The following HK2 variants were observed in gnomAD, a reference collection of about 807,000 sequenced individuals.
HK2 encodes hexokinase 2.
A neutral mutation model predicts 92.9 loss-of-function variants in HK2; 42 were observed. That is an observed-to-expected ratio of 0.45 (90% CI 0.35 to 0.58). The LOEUF (loss-of-function observed/expected upper bound fraction) is 0.58, where lower values mean the gene tolerates loss of function less well. Ranked by LOEUF, HK2 falls within the 20% of genes least tolerant of loss-of-function variation. HK2 has a pLI of 0.00. For missense variants in HK2, 978 were observed against 1,245.1 expected, an observed-to-expected ratio of 0.79 and a Z score of 3.23; for synonymous variants, 422 against 468.0, an observed-to-expected ratio of 0.90 and a Z score of 1.27.
intron 3 of HK2, among the ~76,000 whole-genome samples, chr2:74,869,136 T>C (rs1689034063): frequency 6.6e-6 from 1 of 151,188 alleles, no homozygotes. Context: ...AAAAAACAAC[T>C]ATGAGACCCA....
At chr2:74,862,450 A>T (rs570511611) in intron 2 of HK2, among the ~76,000 whole-genome samples, 1 of 152,340 alleles carries the variant, frequency 6.6e-6, no homozygotes, top group South Asian at 2.1e-4. Context: ...TTAAAGAGTG[A>T]AAGTTGTGCT....
intron 2 of HK2, among the ~76,000 whole-genome samples, chr2:74,855,806 CTGG>C (rs762001783): frequency 2.0e-5 from 3 of 152,092 alleles, no homozygotes; most frequent in Non-Finnish European, 4.4e-5. Context: ...AGACATGGCT[CTGG>C]TGGGTGGGCA....
chr2:74,866,061 C>T (rs780720261), intron 2 of HK2, among the ~76,000 whole-genome samples: 16 of 152,168 alleles, frequency 1.1e-4, no homozygotes, highest in African/African-American at 3.6e-4. Flanking sequence ...AGCCAGTCTC[C>T]GTGTGTCACA....
chr2:74,890,675 TCTC>T (rs1163784869), intron 17 of HK2, 119 bp from the exon 18 acceptor site: 7 of 1,109,758 alleles, frequency 6.3e-6, no homozygotes, highest in African/African-American at 4.6e-5. Flanking sequence ...CTGTCATCCT[TCTC>T]CTCTTCTTAA....
rs1320390977 is a variant in HK2, at chr2:74,859,598, G to A, written c.226+5143G>A. On this transcript the variant is annotated intron_variant, in intron 2 of 17. Coordinates refer to ENST00000290573, the MANE Select transcript of HK2 (RefSeq NM_000189.5). ...GAATGGTGTGAACCCGGGAGGCAGAGCATTCCAGCCTGGGCCACAGAGCGA... is the reference window on the plus strand; with the variant it reads ...GAATGGTGTGAACCCGGGAGGCAGAACATTCCAGCCTGGGCCACAGAGCGA... Among the ~76,000 whole-genome samples the A allele has an allele frequency of 3.3e-5, 5 of 152,240 alleles. No individual in the cohort carries two copies. The East Asian group carries it at 9.6e-4, about 29-fold the overall frequency.
intron 2 of HK2, among the ~76,000 whole-genome samples, chr2:74,865,632 G>A (rs1329559592): frequency 6.6e-6 from 1 of 152,124 alleles, no homozygotes. Context: ...AGATGAGGGC[G>A]ATGTTGCTGT....
At chr2:74,846,992 G>C (rs1688457547) in intron 1 of HK2, among the ~76,000 whole-genome samples, 1 of 152,146 alleles carries the variant, frequency 6.6e-6, no homozygotes, top group African/African-American at 2.4e-5. Flanking sequence ...TGTTAAGAAA[G>C]GTGAAGTTCA....
At position 74,834,147 on chromosome 2, in the gene HK2, G is replaced by A. The variant is rs1477723088; in HGVS notation, c.-434G>A. The A allele has an allele frequency of 6.0e-6, 2 of 334,016 alleles. No homozygotes were observed. Among genetic ancestry groups the A allele is most frequent in the Non-Finnish European group, 1.2e-5 (2 of 169,468 alleles). The allele number at this position is 334,016 out of a possible 1,614,324, so 20.7% of individuals were successfully genotyped here. ...AAGCCACATTGTTGCATGAAACTCC[G>A]GCGCAGGAGTCCCGGGCTGCCGCTG... On this transcript the variant is annotated 5_prime_UTR_variant, in exon 1 of 18. Transcript: ENST00000290573. This position sits in a 1 kb window ranked among gnomAD's most constrained non-coding sequence, Gnocchi z 4.2.
At chr2:74,884,028 C>T (rs1404803122) in intron 12 of HK2, among the ~76,000 whole-genome samples, 3 of 152,060 alleles carry the variant, frequency 2.0e-5, no homozygotes, top group East Asian at 1.9e-4. Context: ...AAGCATAACC[C>T]TCCAGTGTAT....
intron 1 of HK2, among the ~76,000 whole-genome samples, chr2:74,844,076 C>G (rs989914145): frequency 1.3e-5 from 2 of 152,232 alleles, no homozygotes; most frequent in African/African-American, 4.8e-5. Flanking sequence ...GTGCCCTTAA[C>G]CCCCAGCACA....
Position 74,877,890 on chromosome 2 carries a change from C to G in HK2, c.1031+569C>G, listed in dbSNP as rs28363022. 9.6e-3 allele frequency among the ~76,000 whole-genome samples: 1,465 copies of G among 152,252 alleles called. 10 individuals are homozygous for G. Among genetic ancestry groups the G allele is most frequent in the Non-Finnish European group, 0.015 (1,042 of 68,022 alleles). ...CCAAGAGTCAGGCGGGCCTCGTTTACTGTTCTTGAGATTTCCACTTGTAGA... is the reference window on the plus strand; with the variant it reads ...CCAAGAGTCAGGCGGGCCTCGTTTAGTGTTCTTGAGATTTCCACTTGTAGA... On this transcript the variant is annotated intron_variant, in intron 8 of 17. Transcript: ENST00000290573.
chr2:74,838,444 C>T (rs1416782201), intron 1 of HK2, among the ~76,000 whole-genome samples: 2 of 150,866 alleles, frequency 1.3e-5, no homozygotes, highest in Non-Finnish European at 2.9e-5. Flanking sequence ...TGAGGCCGGT[C>T]CTGAGGAGGG....
intron 1 of HK2, among the ~76,000 whole-genome samples, chr2:74,841,750 A>G (rs1401631493): frequency 2.6e-5 from 4 of 152,262 alleles, no homozygotes; most frequent in South Asian, 2.1e-4. Flanking sequence ...CAAGTGCTCC[A>G]GAAAGCCAGC....
At position 74,871,803 on chromosome 2, in the gene HK2, A is replaced by G. The variant is rs140599260; in HGVS notation, c.376-497A>G. On this transcript the variant is annotated intron_variant, in intron 3 of 17. Transcript: ENST00000290573. ...TTGGTTCATAGAATGCCAACAGAGA[A>G]TGCTGTCCCTGCAAACCACCCCCCA... Among the ~76,000 whole-genome samples the G allele has an allele frequency of 7.4e-3, 1,121 of 152,324 alleles. 11 individuals are homozygous for G. The highest frequency in any genetic ancestry group is 0.014 in the South Asian group (66 of 4,818).
At chr2:74,877,614 G>C (rs1268801692) in intron 8 of HK2, among the ~76,000 whole-genome samples, 1 of 152,114 alleles carries the variant, frequency 6.6e-6, no homozygotes, top group Admixed American at 6.5e-5. Context: ...ACCCCAGAGG[G>C]CCCCCGAAAG....
At chr2:74,870,175 A>AT (rs1689062975) in intron 3 of HK2, among the ~76,000 whole-genome samples, 1 of 151,602 alleles carries the variant, frequency 6.6e-6, no homozygotes, top group African/African-American at 2.4e-5. Context: ...GGCCCGGCTA[A>AT]TTTTTTGAAT....
intron 1 of HK2, among the ~76,000 whole-genome samples, chr2:74,853,063 C>G (rs1335548312): frequency 2.0e-5 from 3 of 152,104 alleles, no homozygotes; most frequent in African/African-American, 7.2e-5. Context: ...GAGAAGAGGC[C>G]TCTACAGAGA....
chr2:74,854,535 C>T, intron 2 of HK2, 80 bp downstream of exon 2: 1 of 1,516,184 alleles, frequency 6.6e-7, no homozygotes, highest in Non-Finnish European at 9.1e-7. Flanking sequence ...ACCCAAATAA[C>T]TCAAAAGCCT....
intron 7 of HK2, among the ~76,000 whole-genome samples, chr2:74,874,829 C>G (rs752103186): frequency 6.6e-6 from 1 of 152,150 alleles, no homozygotes; most frequent in South Asian, 2.1e-4. Context: ...CCTTTCATAG[C>G]TCCAACTCCA....
Sources: allele counts gnomAD v4.1 joint callset (sites outside exome capture counted in the v4.1 genomes callset), GRCh38; gene constraint gnomAD v4.1.1; non-coding constraint Gnocchi (gnomAD v3.1); transcripts MANE v1.5; gene names NCBI Gene and HGNC (gene_info 2026-07-23, HGNC 2026-07-21).